Variants in RBBP5 observed in about 807,000 individuals in gnomAD.
RBBP5 encodes the protein RB binding protein 5, histone lysine methyltransferase complex subunit.
A neutral mutation model predicts 72.2 loss-of-function variants in RBBP5; 5 were observed. The observed-to-expected ratio is 0.07, with a 90% CI of 0.04 to 0.15. The LOEUF (loss-of-function observed/expected upper bound fraction) is 0.15. RBBP5 is among the 10% of genes least tolerant of loss of function. The pLI is 1.00. For missense variants in RBBP5, 322 were observed against 652.2 expected (o/e 0.49, Z 5.51); for synonymous variants, 209 against 237.2 (o/e 0.88, Z 1.09).
At chr1:205,093,477 AAAATATATATATATATATATAT>A (rs1655453092) in intron 13 of RBBP5, among the ~76,000 whole-genome samples, 7 of 6,886 alleles carry the variant, frequency 1.0e-3, no homozygotes, top group African/African-American at 2.4e-3. Flanking sequence ...AAAAAAAAAA[AAAATATATATATATATATATAT>A]ATATATATAT....
chr1:205,096,487 A>C (rs544104937), intron 12 of RBBP5, among the ~76,000 whole-genome samples, 195 bp downstream of exon 12: 1 of 152,358 alleles, frequency 6.6e-6, no homozygotes, highest in Non-Finnish European at 1.5e-5. Context: ...AAAGTACTGA[A>C]GGGCAGAATT....
chr1:205,102,422 CTA>C (rs1655869172), intron 5 of RBBP5, among the ~76,000 whole-genome samples: 1 of 152,260 alleles, frequency 6.6e-6, no homozygotes, highest in East Asian at 1.9e-4. Context: ...AGGGCAAATA[CTA>C]TATGATTCCC....
At chr1:205,107,058 G>GTGT (rs1317053285) in intron 3 of RBBP5, among the ~76,000 whole-genome samples, 4 of 136,730 alleles carry the variant, frequency 2.9e-5, no homozygotes, top group Non-Finnish European at 6.4e-5. Context: ...GTATATGTAT[G>GTGT]TGTGTGTGTG....
chr1:205,089,444 C>T (rs973820326), intron 13 of RBBP5, among the ~76,000 whole-genome samples: 13 of 152,068 alleles, frequency 8.5e-5, no homozygotes, highest in Admixed American at 5.2e-4. Flanking sequence ...TGAGAGACAT[C>T]GTTAAATGAG....
chr1:205,121,342 G>A (rs1014758936), intron 1 of RBBP5, among the ~76,000 whole-genome samples: 1 of 152,164 alleles, frequency 6.6e-6, no homozygotes, highest in Non-Finnish European at 1.5e-5. Flanking sequence ...GGATTCCAGT[G>A]CCAACTATGC....
chr1:205,095,099 T>A (rs371742851), intron 12 of RBBP5, 35 bp from the exon 13 acceptor site: 1 of 1,603,090 alleles, frequency 6.2e-7, no homozygotes, highest in Non-Finnish European at 8.5e-7. Context: ...GGAATCCACA[T>A]GACACCAGTC....
chr1:205,092,220 T>A (rs917734194), intron 13 of RBBP5, among the ~76,000 whole-genome samples: 1 of 152,186 alleles, frequency 6.6e-6, no homozygotes, highest in African/African-American at 2.4e-5. Flanking sequence ...TCCAAACCAC[T>A]CTGCAGCTGG....
In RBBP5 at chr1:205,115,795, G is replaced by A. The variant is rs543065644; in HGVS notation, c.45+63C>T. The A allele has an allele frequency of 8.1e-6, 12 of 1,475,520 alleles. No homozygotes were observed. The South Asian group carries it at 1.7e-4, about 21-fold the overall frequency. The allele number at this position is 1,475,520 out of a possible 1,614,324, so 91.4% of individuals were successfully genotyped here. A position where few individuals can be genotyped will look rare whatever the true frequency, so the allele number is the denominator to read the frequency against. ...ACACAAGGATCAAAAAGTATTTTCT[G>A]TTCTAACATAAACACCCAGAAGTTA... On this transcript the variant is annotated intron_variant, in intron 2 of 13. Transcript: ENST00000264515.
intron 3 of RBBP5, among the ~76,000 whole-genome samples, chr1:205,109,987 T>C (rs1164657238): frequency 2.6e-5 from 4 of 152,060 alleles, no homozygotes; most frequent in Non-Finnish European, 4.4e-5. Context: ...GTTAACTTTG[T>C]TTCCCTATAG....
chr1:205,116,923 C>A (rs1418947990), intron 1 of RBBP5, among the ~76,000 whole-genome samples: 1 of 152,210 alleles, frequency 6.6e-6, no homozygotes, highest in Non-Finnish European at 1.5e-5. Flanking sequence ...GCGATCACAC[C>A]CCTTCCTGAC....
At position 205,088,178 on chromosome 1, in the gene RBBP5, A is replaced by T. The variant is rs1655203314; in HGVS notation, c.*609T>A. On this transcript the variant is annotated 3_prime_UTR_variant, in exon 14 of 14. Coordinates refer to ENST00000264515, the MANE Select transcript of RBBP5 (RefSeq NM_005057.4). Reference sequence around the variant, plus strand: ...TGAATTGTTACAGCCCAGCTTCTTGAGCAAAACGTGGTATGAGAGGAAGAG... The same window carrying T: ...TGAATTGTTACAGCCCAGCTTCTTGTGCAAAACGTGGTATGAGAGGAAGAG... 1 of 152,278 alleles carries T rather than the reference A, an allele frequency of 6.6e-6. No individual in the cohort carries two copies. Among genetic ancestry groups the T allele is most frequent in the African/African-American group, 2.4e-5 (1 of 41,470 alleles). The allele number at this position is 152,278 out of a possible 1,614,324, so 9.4% of individuals were successfully genotyped here.
chr1:205,114,663 T>G, intron 3 of RBBP5, 126 bp downstream of exon 3: 1 of 936,994 alleles, frequency 1.1e-6, no homozygotes, highest in Non-Finnish European at 1.5e-6. Flanking sequence ...TAAACCATGA[T>G]AAACTGTATT....
In RBBP5 at chr1:205,099,983, G is replaced by C; in HGVS notation, c.834C>G (p.Ile278Met). 1.9e-6 allele frequency: 3 copies of C among 1,614,190 alleles called. No individual in the cohort carries two copies. Among genetic ancestry groups the C allele is most frequent in the South Asian group, 2.2e-5 (2 of 91,086 alleles). ...CCAGGTTGCCAATGCTCTTCTCCCA[G>C]ATGTACAGGGCATGCTGCCGGGCAG... ...AGSARQHALY[I>M]WEKSIGNLVK... The change falls in exon 8 of 14, where the codon ATC (isoleucine) becomes ATG (methionine). Residue 278 changes from isoleucine to methionine, a missense_variant. Transcript: ENST00000264515. This position sits in a 1 kb window ranked among gnomAD's most constrained non-coding sequence, Gnocchi z 4.7.
At chr1:205,115,645 T>C (rs1459009265) in intron 2 of RBBP5, among the ~76,000 whole-genome samples, 2 of 152,232 alleles carry the variant, frequency 1.3e-5, no homozygotes, top group Non-Finnish European at 2.9e-5. Flanking sequence ...AAATGAACTG[T>C]AAGATTACAA....
chr1:205,115,129 GAACATTTATTAA>G (rs1656470962), intron 2 of RBBP5, among the ~76,000 whole-genome samples, 168 bp from the exon 3 acceptor site: 1 of 151,988 alleles, frequency 6.6e-6, no homozygotes, highest in African/African-American at 2.4e-5. Flanking sequence ...CAAAATGAAG[GAACATTTATTAA>G]AGCTAACCAT....
intron 3 of RBBP5, among the ~76,000 whole-genome samples, chr1:205,110,606 CAT>C (rs1449676269): frequency 6.6e-6 from 1 of 152,036 alleles, no homozygotes; most frequent in Non-Finnish European, 1.5e-5. Context: ...TGTTTAAAAA[CAT>C]ATTATGTGGA....
At chr1:205,121,071 A>T (rs1454258856) in intron 1 of RBBP5, among the ~76,000 whole-genome samples, 1 of 152,188 alleles carries the variant, frequency 6.6e-6, no homozygotes, top group East Asian at 1.9e-4. Flanking sequence ...TGACTTTTTT[A>T]AAAGAGAAAC....
chr1:205,091,828 TC>T (rs1228871224), intron 13 of RBBP5: 1 of 152,202 alleles, frequency 6.6e-6, no homozygotes, highest in Non-Finnish European at 1.5e-5. Context: ...CATACAACCC[TC>T]AGACCGGAGT....
At chr1:205,101,797 TG>T (rs1215213222) in intron 5 of RBBP5, 88 bp from the exon 6 acceptor site, 3 of 900,890 alleles carry the variant, frequency 3.3e-6, no homozygotes, top group Admixed American at 4.4e-5. Context: ...GCGTAAAGAC[TG>T]GGTAAAAATG....
Sources: gnomAD v4.1 joint callset for allele counts (sites outside exome capture counted in the v4.1 genomes callset) on GRCh38, gnomAD v4.1.1 for gene constraint, Gnocchi (gnomAD v3.1) non-coding constraint, MANE v1.5 for transcripts, NCBI Gene and HGNC (gene_info 2026-07-23, HGNC 2026-07-21) for gene names.